YPEL2: variants seen among roughly 807,000 people sequenced by gnomAD.
The protein encoded by YPEL2 is protein yippee-like 2.
Under a neutral mutation model 19.1 loss-of-function variants are expected in YPEL2, and 2 were observed. The observed-to-expected ratio is 0.10, with a 90% CI of 0.04 to 0.33. The LOEUF (loss-of-function observed/expected upper bound fraction) is 0.33. Ranked by LOEUF, YPEL2 falls within the 10% of genes least tolerant of loss-of-function variation. The pLI, the probability that YPEL2 is intolerant of heterozygous loss-of-function variation, is 1.00. For synonymous variants in YPEL2, 52 were observed against 50.0 expected, an observed-to-expected ratio of 1.04 and a Z score of -0.17; for missense variants, 66 against 140.7, an observed-to-expected ratio of 0.47 and a Z score of 2.68.
intron 2 of YPEL2, chr17:59,356,061 C>T (rs2047811219): frequency 6.6e-6 from 1 of 152,176 alleles, no homozygotes; most frequent in Non-Finnish European, 1.5e-5. Context: ...CCCCAGCCTC[C>T]TCCTTGGAAA....
chr17:59,343,778 G>A (rs1472936787), intron 1 of YPEL2, among the ~76,000 whole-genome samples: 1 of 152,154 alleles, frequency 6.6e-6, no homozygotes, highest in African/African-American at 2.4e-5. Flanking sequence ...GGAAACCACT[G>A]GAGGTTTTGA....
rs2047996770 is a variant in YPEL2 at position 59,389,391 on chromosome 17, C to T, written c.193C>T (p.Arg65Ter). 1.9e-6 allele frequency: 3 copies of T among 1,613,934 alleles called. No individual in the cohort carries two copies. The highest frequency in any genetic ancestry group is 1.7e-5 in the Admixed American group (1 of 59,982). ...TGTGGGCTGTGGGCCTGCAGAAGAG[C>T]GAGTGTTGCTAACAGGACTGCATGC... is the stretch of plus-strand genomic sequence containing the variant. ...VNVGCGPAEE[R>*]VLLTGLHAVA... is the part of the protein sequence containing the mutation. The change falls in exon 4 of 5, where the codon CGA (arginine) becomes TGA (stop). Residue 65 changes from arginine to a stop codon, truncating the protein, a stop_gained. Coordinates refer to ENST00000312655, the MANE Select transcript of YPEL2 (RefSeq NM_001005404.4). LOFTEE classifies it high-confidence loss of function.
intron 1 of YPEL2, among the ~76,000 whole-genome samples, chr17:59,332,859 G>C (rs1408712322): frequency 6.6e-6 from 1 of 152,184 alleles, no homozygotes; most frequent in African/African-American, 2.4e-5. Context: ...CTGATTTGCT[G>C]TCCTTGCAAC....
chr17:59,387,373 A>G lies in YPEL2; in HGVS notation c.118-954A>G, dbSNP rs575995058. 2.8e-4 allele frequency among the ~76,000 whole-genome samples: 42 copies of G among 151,512 alleles called. No homozygotes were observed. In the South Asian group the frequency reaches 7.1e-3, roughly 26 times the overall value. ...TGTCTCGCGTGCTGATCTGAGTCCT[A>G]TCTGGTGCTCACCTACCCTCTGGTC... is the stretch of plus-strand genomic sequence containing the variant. On this transcript the variant is annotated intron_variant, in intron 2 of 4. Transcript: ENST00000312655.
chr17:59,390,505 T>C (rs867956687), intron 4 of YPEL2, among the ~76,000 whole-genome samples: 10 of 152,212 alleles, frequency 6.6e-5, no homozygotes, highest in African/African-American at 2.4e-4. Context: ...CTAAAACACC[T>C]AGGTCCCAGG....
At chr17:59,363,988 C>G (rs2047855043) in intron 2 of YPEL2, among the ~76,000 whole-genome samples, 1 of 152,160 alleles carries the variant, frequency 6.6e-6, no homozygotes. Flanking sequence ...TCTAGTGAGT[C>G]TTCCTGGCTT....
intron 2 of YPEL2, among the ~76,000 whole-genome samples, chr17:59,365,906 T>C (rs1349163967): frequency 6.6e-6 from 1 of 152,130 alleles, no homozygotes; most frequent in Non-Finnish European, 1.5e-5. Context: ...CCCTCCAGAC[T>C]ACAGTGATGT....
rs200357522 is a variant in YPEL2 at position 59,389,029 on chromosome 17, A to C, written c.162-331A>C. 1.0e-4 allele frequency: 35 copies of C among 346,482 alleles called. No homozygotes were observed. The East Asian group carries it at 2.1e-3, about 20-fold the overall frequency. The allele number at this position is 346,482 out of a possible 1,614,324, so 21.5% of individuals were successfully genotyped here. On this transcript the variant is annotated intron_variant, in intron 3 of 4. Coordinates refer to ENST00000312655, the MANE Select transcript of YPEL2 (RefSeq NM_001005404.4). The stretch of plus-strand genomic sequence containing the variant: ...CAGTAAGCTGTGAGGACCTGTGCCC[A>C]TGGCTGTGGACTTCACAGTGTGGCT...
At chr17:59,348,256 G>C (rs1390596133) in intron 1 of YPEL2, among the ~76,000 whole-genome samples, 1 of 152,252 alleles carries the variant, frequency 6.6e-6, no homozygotes, top group Non-Finnish European at 1.5e-5. Flanking sequence ...GGCCAGCCTT[G>C]TCTCATGTCT....
At chr17:59,333,110 C>G (rs1324420201) in intron 1 of YPEL2, among the ~76,000 whole-genome samples, 2 of 152,238 alleles carry the variant, frequency 1.3e-5, no homozygotes, top group African/African-American at 4.8e-5. Flanking sequence ...CCGTGCTTTC[C>G]TGCCTCTGGG....
At chr17:59,391,774 C>T (rs908042808) in intron 4 of YPEL2, among the ~76,000 whole-genome samples, 1 of 152,100 alleles carries the variant, frequency 6.6e-6, no homozygotes, top group Non-Finnish European at 1.5e-5. Context: ...GTGGCAGATG[C>T]CTGTAATCCC....
chr17:59,396,182 G>A (rs1163545222), intron 4 of YPEL2, among the ~76,000 whole-genome samples: 1 of 152,122 alleles, frequency 6.6e-6, no homozygotes, highest in African/African-American at 2.4e-5. Flanking sequence ...GCAAACTTCC[G>A]TTAGCACCAG....
At chr17:59,378,347 CTTTT>C in intron 2 of YPEL2, among the ~76,000 whole-genome samples, 1 of 142,014 alleles carries the variant, frequency 7.0e-6, no homozygotes, top group Admixed American at 7.0e-5. Context: ...GAGTCTCCTC[CTTTT>C]TTTTTTTTTT....
chr17:59,337,620 G>A (rs2047706562), intron 1 of YPEL2, among the ~76,000 whole-genome samples: 1 of 152,130 alleles, frequency 6.6e-6, no homozygotes, highest in Admixed American at 6.5e-5. Flanking sequence ...AATGATAAAT[G>A]CTTTTTGCTT....
intron 1 of YPEL2, among the ~76,000 whole-genome samples, chr17:59,348,218 G>GAA (rs1265837160): frequency 1.3e-5 from 2 of 152,186 alleles, no homozygotes; most frequent in Non-Finnish European, 2.9e-5. Flanking sequence ...ACACCCCATG[G>GAA]AAACAACAAC....
intron 2 of YPEL2, among the ~76,000 whole-genome samples, chr17:59,384,039 C>G (rs531329230): frequency 9.8e-4 from 149 of 152,294 alleles, no homozygotes; most frequent in African/African-American, 3.4e-3. Context: ...AATTGCCAGA[C>G]TCGTTTCCAA....
At chr17:59,339,366 C>T (rs1280395247) in intron 1 of YPEL2, among the ~76,000 whole-genome samples, 2 of 152,196 alleles carry the variant, frequency 1.3e-5, no homozygotes, top group African/African-American at 4.8e-5. Context: ...CACTTAACTG[C>T]AGCCTTAAAG....
chr17:59,376,387 T>C (rs1038513803), intron 2 of YPEL2, among the ~76,000 whole-genome samples: 3 of 152,118 alleles, frequency 2.0e-5, no homozygotes, highest in African/African-American at 7.2e-5. Context: ...TCCGGCTAAT[T>C]TTTGTATTTT....
At chr17:59,369,641 G>A (rs1022674743) in intron 2 of YPEL2, among the ~76,000 whole-genome samples, 3 of 152,160 alleles carry the variant, frequency 2.0e-5, no homozygotes, top group South Asian at 2.1e-4. Flanking sequence ...TCCCTGTCCC[G>A]GTCTGATGTA....
Sources: allele counts gnomAD v4.1 joint callset (sites outside exome capture counted in the v4.1 genomes callset), GRCh38; gene constraint gnomAD v4.1.1; transcripts MANE v1.5; gene names NCBI Gene and HGNC (gene_info 2026-07-23, HGNC 2026-07-21).